Variants in ZNF577 observed in about 807,000 individuals in gnomAD.
ZNF577 encodes zinc finger protein 577.
Under a neutral mutation model 13.9 loss-of-function variants are expected in ZNF577, and 14 were observed. The observed-to-expected ratio is 1.00, with a 90% CI of 0.66 to 1.57. The LOEUF (loss-of-function observed/expected upper bound fraction) is 1.57, where lower values mean the gene tolerates loss of function less well. ZNF577 is among the 40% of genes most tolerant of loss of function. ZNF577 has a pLI of 0.00. For synonymous variants in ZNF577, 203 were observed against 202.9 expected, an observed-to-expected ratio of 1.00 and a Z score of 0.00; for missense variants, 555 against 579.2, an observed-to-expected ratio of 0.96 and a Z score of 0.43.
Position 51,880,757 on chromosome 19 carries a change from T to G in ZNF577, c.-98A>C. 11 of 191,110 alleles carry G rather than the reference T, an allele frequency of 5.8e-5. No homozygotes were observed. The highest frequency in any genetic ancestry group is 1.4e-4 in the East Asian group (1 of 6,906). 11.8% of individuals were successfully genotyped at this position (191,110 alleles called of 1,614,324 possible). A position where few individuals can be genotyped will look rare whatever the true frequency, so the allele number is the denominator to read the frequency against. On this transcript the variant is annotated 5_prime_UTR_variant, in exon 2 of 6. Coordinates refer to ENST00000638348, the MANE Select transcript of ZNF577 (RefSeq NM_001370449.1). ...CTCTCTCTTCTGTCTATTCTGGGCC[T>G]TCCCAGAAGTGGTGGTCAGGTATCA...
intron 9 of ZNF577, among the ~76,000 whole-genome samples, chr19:51,829,808 C>A (rs78920845): frequency 1.3e-5 from 2 of 152,168 alleles, no homozygotes; most frequent in Non-Finnish European, 1.5e-5. Flanking sequence ...AGAGCAAGTG[C>A]TGCTGAGGCC....
chr19:51,885,654 G>A (rs2084934259), intron 1 of ZNF577, among the ~76,000 whole-genome samples: 1 of 152,084 alleles, frequency 6.6e-6, no homozygotes, highest in Non-Finnish European at 1.5e-5. Flanking sequence ...TGGGATTACA[G>A]ACACCCGCTA....
intron 5 of ZNF577, among the ~76,000 whole-genome samples, chr19:51,845,794 T>C (rs2084348601): frequency 6.6e-6 from 1 of 152,248 alleles, no homozygotes; most frequent in Non-Finnish European, 1.5e-5. Flanking sequence ...TGTCACCAAG[T>C]GACAGGATTT....
intron 5 of ZNF577, among the ~76,000 whole-genome samples, chr19:51,854,205 A>T (rs56406030): frequency 0.31 from 47,215 of 151,932 alleles, 7,604 homozygotes; most frequent in South Asian, 0.53. Context: ...ATCATATATC[A>T]TTGGCATAAA....
At chr19:51,832,919 T>G (rs1351372840) in intron 9 of ZNF577, among the ~76,000 whole-genome samples, 1 of 152,254 alleles carries the variant, frequency 6.6e-6, no homozygotes, top group Non-Finnish European at 1.5e-5. Context: ...ACTGTCTTGA[T>G]AATTGTAGCT....
At chr19:51,818,655 A>T (rs554783032) in intron 9 of ZNF577, among the ~76,000 whole-genome samples, 3 of 152,156 alleles carry the variant, frequency 2.0e-5, no homozygotes, top group East Asian at 3.8e-4. Context: ...CCAGAGGAAG[A>T]TCATAGTAGG....
intron 9 of ZNF577, among the ~76,000 whole-genome samples, chr19:51,832,090 C>T (rs1285700916): frequency 6.6e-6 from 1 of 152,204 alleles, no homozygotes; most frequent in African/African-American, 2.4e-5. Context: ...CACCTCCCTT[C>T]TCTCATTCTT....
At chr19:51,866,801 G>A (rs1009560791), downstream of ZNF577, among the ~76,000 whole-genome samples, 6 of 152,112 alleles carry the variant, frequency 3.9e-5, no homozygotes, top group Non-Finnish European at 7.3e-5. Context: ...GGCCAAAATG[G>A]TGAAATCCCA....
chr19:51,818,763 T>C (rs2084164523), intron 9 of ZNF577, among the ~76,000 whole-genome samples: 1 of 151,936 alleles, frequency 6.6e-6, no homozygotes, highest in South Asian at 2.1e-4. Context: ...GTGTGTCAGG[T>C]GAGAGTGCAG....
chr19:51,878,291 C>T (rs2084799198), intron 4 of ZNF577, 98 bp downstream of exon 4: 3 of 1,299,956 alleles, frequency 2.3e-6, no homozygotes, highest in Non-Finnish European at 3.1e-6. Context: ...AAATCTATAA[C>T]ATATAATACT....
intron 9 of ZNF577, among the ~76,000 whole-genome samples, chr19:51,815,693 AC>A (rs921235272): frequency 3.3e-5 from 5 of 151,456 alleles, no homozygotes; most frequent in African/African-American, 7.3e-5. Context: ...ACATGGCGAA[AC>A]CCTGTTTGTA....
At chr19:51,821,756 C>T (rs1254533490) in intron 9 of ZNF577, among the ~76,000 whole-genome samples, 1 of 151,896 alleles carries the variant, frequency 6.6e-6, no homozygotes, top group Non-Finnish European at 1.5e-5. Context: ...GCTGCCTCCA[C>T]TGACCGGCTG....
intron 10 of ZNF577, chr19:51,811,329 T>C (rs1022947381): frequency 5.3e-5 from 8 of 152,198 alleles, no homozygotes; most frequent in African/African-American, 1.9e-4. Context: ...TGAGCACCAG[T>C]TTGTTTCAAC....
intron 9 of ZNF577, among the ~76,000 whole-genome samples, chr19:51,823,296 A>T (rs1333059905): frequency 6.6e-6 from 1 of 152,176 alleles, no homozygotes; most frequent in East Asian, 1.9e-4. Context: ...AGTGGGAGGG[A>T]CAGGAGCTGG....
At chr19:51,822,716 A>G (rs2084199460) in intron 9 of ZNF577, among the ~76,000 whole-genome samples, 1 of 152,234 alleles carries the variant, frequency 6.6e-6, no homozygotes, top group South Asian at 2.1e-4. Flanking sequence ...CTAAATATTC[A>G]TGCTCATTCT....
At chr19:51,841,637 G>A (rs1014390611) in intron 8 of ZNF577, among the ~76,000 whole-genome samples, 1 of 152,140 alleles carries the variant, frequency 6.6e-6, no homozygotes, top group Non-Finnish European at 1.5e-5. Context: ...GAAAATATTA[G>A]GCCCGATGCG....
At chr19:51,820,318 CCTCT>C (rs1270433216) in intron 9 of ZNF577, among the ~76,000 whole-genome samples, 3 of 152,192 alleles carry the variant, frequency 2.0e-5, no homozygotes, top group Non-Finnish European at 4.4e-5. Context: ...AGTCACTTCC[CCTCT>C]CTGAGCCATG....
rs898782251 is a variant in ZNF577 at position 51,867,211 on chromosome 19, A to G, written c.*5321T>C. 2.0e-5 allele frequency among the ~76,000 whole-genome samples: 3 copies of G among 152,182 alleles called. No homozygotes were observed. Among genetic ancestry groups the G allele is most frequent in the African/African-American group, 4.8e-5 (2 of 41,456 alleles). ...ACAAATGTATGTATTTCCATTTAAT[A>G]GTTATTTGTCTTAAGCCTTGCAAAG... On this transcript the variant is annotated 3_prime_UTR_variant, in exon 6 of 6. Transcript: ENST00000638348.
chr19:51,873,766 G>A (rs2084708154), intron 5 of ZNF577, 60 bp from the exon 6 acceptor site: 1 of 1,269,662 alleles, frequency 7.9e-7, no homozygotes, highest in Non-Finnish European at 1.1e-6. Context: ...TTACATTAAA[G>A]GAACAATGCT....
Sources: allele counts gnomAD v4.1 joint callset (sites outside exome capture counted in the v4.1 genomes callset), GRCh38; gene constraint gnomAD v4.1.1; transcripts MANE v1.5; gene names NCBI Gene and HGNC (gene_info 2026-07-23, HGNC 2026-07-21).